Variants in AKAP7 observed in about 807,000 individuals in gnomAD.
AKAP7 encodes A kinase (PRKA) anchor protein 7.
Under a neutral mutation model 39.5 loss-of-function variants are expected in AKAP7, and 39 were observed. That is an observed-to-expected ratio of 0.99 (90% CI 0.76 to 1.29). The LOEUF is 1.29. Ranked by LOEUF, AKAP7 falls within the 50% of genes most tolerant of loss-of-function variation. AKAP7 has a pLI of 0.00. For synonymous variants in AKAP7, 140 were observed against 139.1 expected (o/e 1.01, Z -0.05); for missense variants, 414 against 407.7 (o/e 1.02, Z -0.13).
intron 3 of AKAP7, among the ~76,000 whole-genome samples, chr6:131,161,048 C>T (rs1490792680): frequency 6.6e-6 from 1 of 152,166 alleles, no homozygotes; most frequent in Non-Finnish European, 1.5e-5. Context: ...ATCTCTTTGA[C>T]CAGGCACATT....
chr6:131,203,560 G>A (rs896733084), intron 6 of AKAP7, among the ~76,000 whole-genome samples: 3 of 152,008 alleles, frequency 2.0e-5, no homozygotes, highest in Admixed American at 6.6e-5. Context: ...TATGCTTACT[G>A]TAAACAATTC....
intron 6 of AKAP7, among the ~76,000 whole-genome samples, chr6:131,207,398 C>T (rs143375111): frequency 6.6e-4 from 100 of 150,764 alleles, no homozygotes; most frequent in African/African-American, 2.4e-3. Context: ...TAGCTGATCG[C>T]AGCCTCCAAA....
chr6:131,233,327 T>G (rs547087664), intron 7 of AKAP7, among the ~76,000 whole-genome samples: 1 of 152,280 alleles, frequency 6.6e-6, no homozygotes, highest in African/African-American at 2.4e-5. Flanking sequence ...AGGCAGACCT[T>G]ATTCTAATGG....
intron 7 of AKAP7, among the ~76,000 whole-genome samples, chr6:131,260,772 A>C (rs769527025): frequency 1.3e-5 from 2 of 152,176 alleles, no homozygotes; most frequent in Non-Finnish European, 2.9e-5. Context: ...CTATGATAAT[A>C]GTTTCTTTTG....
At chr6:131,133,552 A>G (rs1800373774), upstream of AKAP7, among the ~76,000 whole-genome samples, 1 of 152,166 alleles carries the variant, frequency 6.6e-6, no homozygotes, top group African/African-American at 2.4e-5. Context: ...CTCTGTATTC[A>G]TAATACTGGT....
rs1222946686 is a variant in AKAP7, at chr6:131,281,768, T to G, written c.*42T>G. 2.6e-6 allele frequency: 4 copies of G among 1,523,384 alleles called. No homozygotes were observed. Among genetic ancestry groups the G allele is most frequent in the African/African-American group, 2.8e-5 (2 of 72,076 alleles). The allele number at this position is 1,523,384 out of a possible 1,614,324, so 94.4% of individuals were successfully genotyped here. On this transcript the variant is annotated 3_prime_UTR_variant, in exon 8 of 8. Transcript: ENST00000431975. This position sits in a 1 kb window ranked among gnomAD's most constrained non-coding sequence, Gnocchi z 4.0. ...CCCATGTCTCTGTGCAAAGCCTCCC[T>G]GCTTCCCTCTGCTGAGTCTAGGGAC...
intron 6 of AKAP7, among the ~76,000 whole-genome samples, chr6:131,202,662 T>A (rs1411130049): frequency 6.6e-6 from 1 of 150,636 alleles, no homozygotes; most frequent in Non-Finnish European, 1.5e-5. Flanking sequence ...TAACGCTAAA[T>A]GACGAGTTAA....
At chr6:131,139,994 G>A (rs912486803) in intron 1 of AKAP7, among the ~76,000 whole-genome samples, 2 of 152,180 alleles carry the variant, frequency 1.3e-5, no homozygotes, top group African/African-American at 4.8e-5. Context: ...CTGAGCTGGC[G>A]ATCTGCAAGG....
chr6:131,254,637 A>G (rs914117084), intron 7 of AKAP7, among the ~76,000 whole-genome samples: 3 of 152,232 alleles, frequency 2.0e-5, no homozygotes, highest in African/African-American at 7.2e-5. Context: ...CTTGTCACTG[A>G]AAGTATTCAA....
chr6:131,205,772 G>A (rs759709622), intron 6 of AKAP7, among the ~76,000 whole-genome samples: 22 of 152,040 alleles, frequency 1.4e-4, no homozygotes, highest in Non-Finnish European at 2.5e-4. Flanking sequence ...AAATTCTAAT[G>A]GGTATTTTGC....
intron 1 of AKAP7, among the ~76,000 whole-genome samples, chr6:131,143,269 T>TA (rs150793137): frequency 0.024 from 3,680 of 152,262 alleles, 134 homozygotes; most frequent in African/African-American, 0.085. Context: ...TGTTGAGATG[T>TA]AATCCCCAAT....
chr6:131,273,013 CTTGTTAAGAGGCATA>C (rs1814419517), intron 7 of AKAP7, among the ~76,000 whole-genome samples: 1 of 152,086 alleles, frequency 6.6e-6, no homozygotes. Flanking sequence ...CTTTGATGCT[CTTGTTAAGAGGCATA>C]TATGCATTTA....
intron 4 of AKAP7, among the ~76,000 whole-genome samples, chr6:131,166,868 T>G (rs919109987): frequency 1.3e-5 from 2 of 152,200 alleles, no homozygotes; most frequent in African/African-American, 4.8e-5. Flanking sequence ...CCTATATTGA[T>G]TCCTAATTTT....
chr6:131,244,519 G>C (rs1273249552), intron 7 of AKAP7, among the ~76,000 whole-genome samples: 1 of 152,204 alleles, frequency 6.6e-6, no homozygotes, highest in Non-Finnish European at 1.5e-5. Flanking sequence ...CTCTACTGCT[G>C]TGTGTCCTCT....
intron 5 of AKAP7, among the ~76,000 whole-genome samples, chr6:131,175,440 T>TA (rs1804484510): frequency 6.6e-6 from 1 of 152,230 alleles, no homozygotes; most frequent in Non-Finnish European, 1.5e-5. Context: ...CTTAAAGTGT[T>TA]ACATAGTTCT....
At chr6:131,157,711 A>G (rs1802550940) in intron 2 of AKAP7, among the ~76,000 whole-genome samples, 1 of 152,240 alleles carries the variant, frequency 6.6e-6, no homozygotes. Context: ...ACTATTTCTT[A>G]GTAATAAAAT....
At chr6:131,252,941 C>G in intron 7 of AKAP7, 1 of 1,262,946 alleles carries the variant, frequency 7.9e-7, no homozygotes, top group Admixed American at 1.8e-5. Context: ...GGCGGTGGCC[C>G]TAGAATGTTC....
At chr6:131,203,463 A>G (rs747018834) in intron 6 of AKAP7, among the ~76,000 whole-genome samples, 27 of 152,208 alleles carry the variant, frequency 1.8e-4, no homozygotes, top group Admixed American at 3.3e-4. Flanking sequence ...TTTTTAATCC[A>G]CTTGCATGTT....
chr6:131,198,878 A>G (rs1283728513), intron 5 of AKAP7, among the ~76,000 whole-genome samples: 2 of 152,088 alleles, frequency 1.3e-5, no homozygotes, highest in Non-Finnish European at 2.9e-5. Flanking sequence ...AGAGCTCTGG[A>G]ATTTTCTTGG....
Sources: allele counts gnomAD v4.1 joint callset (sites outside exome capture counted in the v4.1 genomes callset), GRCh38; gene constraint gnomAD v4.1.1; non-coding constraint Gnocchi (gnomAD v3.1); transcripts MANE v1.5; gene names NCBI Gene and HGNC (gene_info 2026-07-23, HGNC 2026-07-21).